The following TAFA5 variants were observed in gnomAD, a reference collection of about 807,000 sequenced individuals.
The protein encoded by TAFA5 is TAFA chemokine like family member 5.
TAFA5 carries 6 observed loss-of-function variants against 15.3 expected under a neutral mutation model. The observed-to-expected ratio is 0.39, with a 90% confidence interval of 0.21 to 0.77. TAFA5 has a LOEUF of 0.77. Ranked by LOEUF, TAFA5 falls within the 30% of genes least tolerant of loss-of-function variation. The pLI is 0.41. For synonymous variants in TAFA5, 103 were observed against 80.7 expected (o/e 1.28, Z -1.48); for missense variants, 161 against 193.1 (o/e 0.83, Z 0.98).
intron 1 of TAFA5, among the ~76,000 whole-genome samples, chr22:48,624,414 G>A (rs543361259): frequency 1.3e-5 from 2 of 152,302 alleles, no homozygotes; most frequent in East Asian, 3.9e-4. Context: ...TATGGAGTGG[G>A]GGAGGGACAG....
intron 1 of TAFA5, among the ~76,000 whole-genome samples, chr22:48,520,592 G>A (rs1179987545): frequency 6.6e-6 from 1 of 152,216 alleles, no homozygotes; most frequent in East Asian, 1.9e-4. Flanking sequence ...TCGGGGACTT[G>A]AGATTAATTT....
chr22:48,741,359 C>A (rs1405409520), intron 3 of TAFA5, among the ~76,000 whole-genome samples: 3 of 152,208 alleles, frequency 2.0e-5, no homozygotes, highest in African/African-American at 7.2e-5. Flanking sequence ...GGGAGTCACC[C>A]GGCATGTTCC....
chr22:48,679,048 TCCCC>T (rs1928081107), intron 2 of TAFA5, among the ~76,000 whole-genome samples: 2 of 104,760 alleles, frequency 1.9e-5, no homozygotes, highest in Non-Finnish European at 3.7e-5. Context: ...GCTCCCCAGC[TCCCC>T]CTCCATCCCT....
At chr22:48,583,731 GTGCCACACAGA>G (rs1924199105) in intron 1 of TAFA5, among the ~76,000 whole-genome samples, 3 of 4,496 alleles carry the variant, frequency 6.7e-4, no homozygotes, top group East Asian at 4.2e-3. Context: ...CACACAAAAT[GTGCCACACAGA>G]CACCACACAC....
At chr22:48,570,844 A>T (rs192813265) in intron 1 of TAFA5, among the ~76,000 whole-genome samples, 3 of 152,380 alleles carry the variant, frequency 2.0e-5, no homozygotes, top group East Asian at 3.9e-4. Context: ...ATTTCTGACT[A>T]GAACTATGGA....
At chr22:48,630,108 G>A (rs1427836952) in intron 1 of TAFA5, among the ~76,000 whole-genome samples, 2 of 152,174 alleles carry the variant, frequency 1.3e-5, no homozygotes, top group African/African-American at 2.4e-5. Flanking sequence ...GTGGGAGGCT[G>A]CGAATTCTAG....
intron 1 of TAFA5, among the ~76,000 whole-genome samples, chr22:48,553,532 G>T (rs547254144): frequency 2.0e-5 from 3 of 152,208 alleles, no homozygotes; most frequent in Non-Finnish European, 4.4e-5. Flanking sequence ...GTGGGAGAGG[G>T]TGAGGAGGCG....
At chr22:48,641,175 G>A (rs1926663362) in intron 1 of TAFA5, among the ~76,000 whole-genome samples, 1 of 152,172 alleles carries the variant, frequency 6.6e-6, no homozygotes, top group Non-Finnish European at 1.5e-5. Flanking sequence ...CCCCCTGCCA[G>A]GGCAGTGGGA....
At chr22:48,573,306 C>G (rs535276659) in intron 1 of TAFA5, among the ~76,000 whole-genome samples, 7 of 152,346 alleles carry the variant, frequency 4.6e-5, no homozygotes, top group African/African-American at 1.7e-4. Flanking sequence ...CCAGGACCCC[C>G]TCACCCTTTC....
chr22:48,583,558 A>T (rs1185600821), intron 1 of TAFA5, among the ~76,000 whole-genome samples: 2 of 150,804 alleles, frequency 1.3e-5, no homozygotes, highest in Admixed American at 6.6e-5. Context: ...AATACACCAC[A>T]CACACCACAC....
rs1037907404 is a variant in TAFA5 at position 48,602,293 on chromosome 22, AC to A, written c.113-44297del. ...TACAGGCACCCACCTTTCCGGGGCC[AC>A]CCCCCCACAAGCACACCAGTTAGCA... is the stretch of plus-strand genomic sequence containing the variant. On this transcript the variant is annotated intron_variant, in intron 1 of 3. Coordinates refer to ENST00000402357, the MANE Select transcript of TAFA5 (RefSeq NM_001082967.3). Among the ~76,000 whole-genome samples, 26 of 151,786 alleles carry A rather than the reference AC, an allele frequency of 1.7e-4. 1 individual carries two copies. Among genetic ancestry groups the A allele is most frequent in the African/African-American group, 6.1e-4 (25 of 41,286 alleles).
At chr22:48,630,680 C>G (rs1000025667) in intron 1 of TAFA5, among the ~76,000 whole-genome samples, 1 of 152,178 alleles carries the variant, frequency 6.6e-6, no homozygotes, top group East Asian at 1.9e-4. Flanking sequence ...CTTCACCGCC[C>G]TCCATCAGGG....
At chr22:48,594,878 T>C (rs1471340954) in intron 1 of TAFA5, among the ~76,000 whole-genome samples, 3 of 58,812 alleles carry the variant, frequency 5.1e-5, no homozygotes, top group Non-Finnish European at 9.9e-5. Flanking sequence ...CCTGAGCACA[T>C]TTTTTTTTTT....
At position 48,490,990 on chromosome 22, in the gene TAFA5, A is replaced by G. The variant is rs528456500; in HGVS notation, c.112+1286A>G. ...CCAGGATCGCAAGGGAAACCCGGGG[A>G]CCAGAGCAGGAATTTTCCTACTTGC... On this transcript the variant is annotated intron_variant, in intron 1 of 3. Coordinates refer to ENST00000402357, the MANE Select transcript of TAFA5 (RefSeq NM_001082967.3). The surrounding 1 kb of genome is among the most constrained non-coding windows in gnomAD (Gnocchi z 5.8). Among the ~76,000 whole-genome samples, 47 of 152,218 alleles carry G rather than the reference A, an allele frequency of 3.1e-4. No individual in the cohort carries two copies. The highest frequency in any genetic ancestry group is 8.9e-4 in the African/African-American group (37 of 41,544).
intron 2 of TAFA5, among the ~76,000 whole-genome samples, chr22:48,656,132 ACGCC>A (rs1288488431): frequency 6.6e-6 from 1 of 151,720 alleles, no homozygotes; most frequent in Non-Finnish European, 1.5e-5. Flanking sequence ...GTGAGCCACC[ACGCC>A]CGGCCGACGC....
intron 2 of TAFA5, 131 bp downstream of exon 2, chr22:48,646,877 C>A: frequency 8.5e-7 from 1 of 1,169,774 alleles, no homozygotes; most frequent in Non-Finnish European, 1.2e-6. Context: ...AGGCCCCTGG[C>A]TGTTGGCACA....
intron 1 of TAFA5, among the ~76,000 whole-genome samples, chr22:48,640,540 T>TGGGCA (rs199871305): frequency 0.048 from 7,231 of 150,820 alleles, 569 homozygotes; most frequent in African/African-American, 0.17. Flanking sequence ...GCCAGCTGGG[T>TGGGCA]GGGCAGGGCA....
At chr22:48,589,140 C>A (rs1182686705) in intron 1 of TAFA5, among the ~76,000 whole-genome samples, 2 of 152,136 alleles carry the variant, frequency 1.3e-5, no homozygotes, top group Non-Finnish European at 2.9e-5. Flanking sequence ...CTCCTGCCCG[C>A]TGGTTGCCTT....
chr22:48,587,922 C>G (rs1030937706), intron 1 of TAFA5, among the ~76,000 whole-genome samples: 4 of 152,280 alleles, frequency 2.6e-5, no homozygotes, highest in African/African-American at 4.8e-5. Flanking sequence ...CCCTCCCAGG[C>G]TGAACTTTCT....
Sources: allele counts gnomAD v4.1 joint callset (sites outside exome capture counted in the v4.1 genomes callset), GRCh38; gene constraint gnomAD v4.1.1; non-coding constraint Gnocchi (gnomAD v3.1); transcripts MANE v1.5; gene names NCBI Gene and HGNC (gene_info 2026-07-23, HGNC 2026-07-21).